Variants in GPD2 observed in about 807,000 individuals in gnomAD.
GPD2 encodes the protein glycerol-3-phosphate dehydrogenase, mitochondrial.
A neutral mutation model predicts 82.4 loss-of-function variants in GPD2; 54 were observed. The ratio of observed to expected loss-of-function variants is 0.66; its 90% CI spans 0.53 to 0.82. The LOEUF (loss-of-function observed/expected upper bound fraction) is 0.82, where lower values mean the gene tolerates loss of function less well. Among genes scored for constraint, GPD2 ranks in the 40% least tolerant of loss-of-function variants. The probability of loss-of-function intolerance (pLI) is 0.00; values close to 1 mark genes in which losing one functional copy is unlikely to be tolerated. For synonymous variants in GPD2, 288 were observed against 306.1 expected, an observed-to-expected ratio of 0.94 and a Z score of 0.62; for missense variants, 748 against 896.2, an observed-to-expected ratio of 0.83 and a Z score of 2.11.
chr2:156,469,160 C>T (rs1316547530), intron 1 of GPD2, among the ~76,000 whole-genome samples: 1 of 152,160 alleles, frequency 6.6e-6, no homozygotes, highest in Non-Finnish European at 1.5e-5. Flanking sequence ...GAAATGATCT[C>T]ATTCTTTTCT....
intron 1 of GPD2, among the ~76,000 whole-genome samples, chr2:156,465,877 T>C (rs1683136066): frequency 6.6e-6 from 1 of 152,196 alleles, no homozygotes; most frequent in Non-Finnish European, 1.5e-5. Flanking sequence ...ATTGATAACA[T>C]TCCTGCCTCC....
chr2:156,458,379 G>C (rs1682859513), intron 1 of GPD2, among the ~76,000 whole-genome samples: 1 of 152,114 alleles, frequency 6.6e-6, no homozygotes, highest in Non-Finnish European at 1.5e-5. Flanking sequence ...TTTGTTGTTG[G>C]GATTTCCAGT....
chr2:156,566,264 G>A lies in GPD2; in HGVS notation c.1166-2561G>A, dbSNP rs144680242. Reference sequence around the variant, plus strand: ...CATTTTAACCATTTTTAAGTGTACAGTTCTGTGGCATTACGTACATTCACA... The same window carrying A: ...CATTTTAACCATTTTTAAGTGTACAATTCTGTGGCATTACGTACATTCACA... On this transcript the variant is annotated intron_variant, in intron 9 of 16. Transcript: ENST00000438166. Among the ~76,000 whole-genome samples the A allele has an allele frequency of 1.1e-3, 170 of 152,124 alleles. 1 individual carries two copies. Among genetic ancestry groups the A allele is most frequent in the Non-Finnish European group, 2.1e-3 (141 of 67,948 alleles).
chr2:156,489,410 A>G (rs998264948), intron 2 of GPD2, among the ~76,000 whole-genome samples: 3 of 152,120 alleles, frequency 2.0e-5, no homozygotes, highest in African/African-American at 7.2e-5. Flanking sequence ...TCACCCAGCT[A>G]ATGCCTATTA....
chr2:156,439,695 A>T (rs957084372), intron 1 of GPD2, among the ~76,000 whole-genome samples: 4 of 151,650 alleles, frequency 2.6e-5, no homozygotes, highest in African/African-American at 7.3e-5. Flanking sequence ...AAAAATACAA[A>T]AATTAGCCGG....
chr2:156,406,063 T>G, the GPD2 span, among the ~76,000 whole-genome samples: 2 of 151,670 alleles, frequency 1.3e-5, no homozygotes, highest in African/African-American at 4.8e-5. Context: ...TTTTTTCACC[T>G]GTGAGTGATC....
At chr2:156,568,384 G>A (rs1209877721) in intron 9 of GPD2, among the ~76,000 whole-genome samples, 1 of 152,098 alleles carries the variant, frequency 6.6e-6, no homozygotes, top group Non-Finnish European at 1.5e-5. Context: ...TTACAGGTTT[G>A]TTTAATTTAA....
the GPD2 span, among the ~76,000 whole-genome samples, chr2:156,414,570 G>A: frequency 2.0e-4 from 31 of 152,282 alleles, 1 homozygote; most frequent in South Asian, 4.6e-3. Context: ...TGGAAAAGAT[G>A]TGAACCAAAT....
At chr2:156,427,411 A>G in the GPD2 span, among the ~76,000 whole-genome samples, 3 of 152,344 alleles carry the variant, frequency 2.0e-5, no homozygotes, top group East Asian at 5.8e-4. Context: ...CACTCAAATT[A>G]TACTGTAATT....
the GPD2 span, among the ~76,000 whole-genome samples, chr2:156,407,944 A>ATTTTTT: frequency 3.5e-5 from 2 of 56,434 alleles, no homozygotes; most frequent in Admixed American, 2.8e-4. Flanking sequence ...CCATGCTGTA[A>ATTTTTT]TTTTTTTTTT....
chr2:156,573,349 G>T (rs532556820), intron 13 of GPD2, among the ~76,000 whole-genome samples: 1 of 152,128 alleles, frequency 6.6e-6, no homozygotes, highest in Non-Finnish European at 1.5e-5. Context: ...TGCTGTGTCT[G>T]CATTAGCTGT....
chr2:156,404,145 A>T, the GPD2 span, among the ~76,000 whole-genome samples: 2 of 152,120 alleles, frequency 1.3e-5, no homozygotes, highest in Non-Finnish European at 2.9e-5. Flanking sequence ...AGACAGAAGG[A>T]TCAACTGAGG....
At chr2:156,569,105 A>G in intron 10 of GPD2, 146 bp downstream of exon 10, 1 of 735,448 alleles carries the variant, frequency 1.4e-6, no homozygotes, top group South Asian at 1.6e-5. Context: ...TTGGGATTAC[A>G]GGCATGAGCC....
At chr2:156,528,625 TC>T (rs1191000282) in intron 6 of GPD2, among the ~76,000 whole-genome samples, 1 of 132,474 alleles carries the variant, frequency 7.5e-6, no homozygotes, top group Admixed American at 8.6e-5. Context: ...AGTGTGATGT[TC>T]CCCTTCCTGT....
chr2:156,430,730 CACTT>C, upstream of GPD2, among the ~76,000 whole-genome samples: 1 of 152,330 alleles, frequency 6.6e-6, no homozygotes, highest in East Asian at 1.9e-4. Context: ...AACCAATGAA[CACTT>C]ACCTGGCTAT....
At chr2:156,509,599 A>G (rs945444065) in intron 3 of GPD2, among the ~76,000 whole-genome samples, 1 of 151,888 alleles carries the variant, frequency 6.6e-6, no homozygotes, top group East Asian at 1.9e-4. Context: ...TGGCACTTGT[A>G]GTACTGATGG....
chr2:156,448,472 G>C (rs1682446473), intron 1 of GPD2, among the ~76,000 whole-genome samples: 2 of 152,168 alleles, frequency 1.3e-5, no homozygotes, highest in Non-Finnish European at 2.9e-5. Context: ...CACAGTTTCT[G>C]TTCTTGTAGA....
intron 3 of GPD2, among the ~76,000 whole-genome samples, chr2:156,504,014 CAT>C (rs955002733): frequency 3.7e-4 from 56 of 152,228 alleles, no homozygotes; most frequent in African/African-American, 1.3e-3. Flanking sequence ...ACTCCATAAT[CAT>C]GTGTGTACTT....
At chr2:156,474,722 T>C (rs926905086) in intron 1 of GPD2, among the ~76,000 whole-genome samples, 1 of 152,120 alleles carries the variant, frequency 6.6e-6, no homozygotes. Flanking sequence ...AATTTTTAAG[T>C]CCTCATCAAA....
Sources: gnomAD v4.1 joint callset for allele counts (sites outside exome capture counted in the v4.1 genomes callset) on GRCh38, gnomAD v4.1.1 for gene constraint, MANE v1.5 for transcripts, NCBI Gene and HGNC (gene_info 2026-07-23, HGNC 2026-07-21) for gene names.